Variants in KCNJ1 observed in about 807,000 individuals in gnomAD.
KCNJ1 encodes the protein potassium inwardly rectifying channel subfamily J member 1.
KCNJ1 carries 24 observed loss-of-function variants against 21.9 expected under a neutral mutation model. That is an observed-to-expected ratio of 1.10 (90% confidence interval 0.79 to 1.54). KCNJ1 has a LOEUF of 1.54. KCNJ1 is among the 40% of genes most tolerant of loss of function. The pLI is 0.00. For missense variants in KCNJ1, 457 were observed against 455.4 expected (o/e 1.00, Z -0.03); for synonymous variants, 152 against 160.9 (o/e 0.94, Z 0.42).
chr11:128,867,012 C>G (rs1379483095), intron 1 of KCNJ1, among the ~76,000 whole-genome samples, 161 bp downstream of exon 1: 1 of 152,128 alleles, frequency 6.6e-6, no homozygotes, highest in African/African-American at 2.4e-5. Flanking sequence ...ACCAGCACAC[C>G]AAAAGCATCC....
chr11:128,839,158 T>C lies in KCNJ1; in HGVS notation c.1086A>G (p.Ser362=), dbSNP rs765830636. Residue 362 remains serine, a synonymous_variant, in exon 3 of 3, where the codon TCA becomes TCG. Transcript: ENST00000392666. ...RGYDNPNFIL[S]EVNETDDTKM is the part of the protein sequence containing the mutation. ...TGGTGTCATCTGTTTCATTGACTTC[T>C]GACAAGATGAAGTTGGGGTTGTCAT... The C allele has an allele frequency of 6.2e-7, 1 of 1,614,154 alleles. No individual in the cohort carries two copies. Among genetic ancestry groups the C allele is most frequent in the East Asian group, 2.2e-5 (1 of 44,884 alleles).
chr11:128,859,950 A>C (rs2846680), intron 1 of KCNJ1, among the ~76,000 whole-genome samples: 34,129 of 152,146 alleles, frequency 0.22, 3,881 homozygotes, highest in South Asian at 0.3. Context: ...CGGGCAGCAA[A>C]GCGCAGGCGG....
At chr11:128,854,983 A>G (rs1234709733) in intron 1 of KCNJ1, among the ~76,000 whole-genome samples, 2 of 152,148 alleles carry the variant, frequency 1.3e-5, no homozygotes, top group Non-Finnish European at 2.9e-5. Flanking sequence ...TGAAACACGT[A>G]TCTGGAGTCA....
chr11:128,842,243 G>T, intron 2 of KCNJ1: 2 of 1,025,584 alleles, frequency 2.0e-6, no homozygotes, highest in Non-Finnish European at 1.5e-6. Context: ...TACTTTTAAA[G>T]GTAAAGAAGA....
At position 128,838,609 on chromosome 11, in the gene KCNJ1, T is replaced by A. The variant is rs1943209864; in HGVS notation, c.*516A>T. The A allele has an allele frequency of 6.3e-6, 1 of 158,022 alleles. No individual in the cohort carries two copies. The highest frequency in any genetic ancestry group is 2.5e-5 in the African/African-American group (1 of 40,422). The allele number at this position is 158,022 out of a possible 1,614,324, so 9.8% of individuals were successfully genotyped here. A position where few individuals can be genotyped will look rare whatever the true frequency, so the allele number is the denominator to read the frequency against. Reference sequence around the variant, plus strand: ...AAGCTTAGAGCCTCAAATTGTTCTTTGTGTAAGCGTTTTCTTGTCATTGAT... The same window carrying A: ...AAGCTTAGAGCCTCAAATTGTTCTTAGTGTAAGCGTTTTCTTGTCATTGAT... On this transcript the variant is annotated 3_prime_UTR_variant, in exon 3 of 3. Coordinates refer to ENST00000392666, the MANE Select transcript of KCNJ1 (RefSeq NM_153766.3).
intron 2 of KCNJ1, among the ~76,000 whole-genome samples, chr11:128,842,784 T>G (rs946992904): frequency 2.0e-5 from 3 of 152,198 alleles, no homozygotes; most frequent in Non-Finnish European, 4.4e-5. Context: ...CTAAAAGTTG[T>G]GCCTAATAAC....
At chr11:128,841,253 C>T (rs1025508841) in intron 2 of KCNJ1, among the ~76,000 whole-genome samples, 1 of 152,222 alleles carries the variant, frequency 6.6e-6, no homozygotes, top group African/African-American at 2.4e-5. Context: ...TTAAGTAATA[C>T]TCCATAAAGA....
At position 128,839,526 on chromosome 11, in the gene KCNJ1, T is replaced by A; in HGVS notation, c.718A>T (p.Asn240Tyr). 1 of 1,614,070 alleles carries A rather than the reference T, an allele frequency of 6.2e-7. No homozygotes were observed. Among genetic ancestry groups the A allele is most frequent in the Non-Finnish European group, 8.5e-7 (1 of 1,180,008 alleles). ...INFVVDAGNE[N>Y]LFFISPLTIY... ...GTCAATGGGGAGATGAAGAATAAAT[T>A]TTCATTCCCAGCGTCAACTACAAAG... is the stretch of plus-strand genomic sequence containing the variant. The change falls in exon 3 of 3, where the codon AAT (asparagine) becomes TAT (tyrosine). Residue 240 changes from asparagine to tyrosine, a missense_variant. Coordinates refer to ENST00000392666, the MANE Select transcript of KCNJ1 (RefSeq NM_153766.3).
intron 2 of KCNJ1, among the ~76,000 whole-genome samples, chr11:128,841,550 G>T (rs962279418): frequency 2.0e-5 from 3 of 152,132 alleles, no homozygotes; most frequent in African/African-American, 7.2e-5. Flanking sequence ...GCCCACCCTG[G>T]TCCGCAATGT....
chr11:128,848,991 G>C (rs981522990), intron 2 of KCNJ1, among the ~76,000 whole-genome samples: 1 of 152,308 alleles, frequency 6.6e-6, no homozygotes, highest in South Asian at 2.1e-4. Flanking sequence ...CACACGCTGC[G>C]GCAGTCTCAG....
intron 1 of KCNJ1, among the ~76,000 whole-genome samples, chr11:128,862,885 C>T (rs1943745804): frequency 1.3e-5 from 2 of 152,196 alleles, no homozygotes; most frequent in Admixed American, 6.5e-5. Flanking sequence ...CCGGGATTAC[C>T]CTTATCTCTC....
chr11:128,849,551 G>T (rs1348806778), intron 2 of KCNJ1, among the ~76,000 whole-genome samples: 1 of 152,210 alleles, frequency 6.6e-6, no homozygotes, highest in African/African-American at 2.4e-5. Context: ...GGTACCCTGG[G>T]TTGGATCTGA....
chr11:128,846,444 T>A (rs1053276104), intron 2 of KCNJ1, among the ~76,000 whole-genome samples: 1 of 152,138 alleles, frequency 6.6e-6, no homozygotes, highest in East Asian at 1.9e-4. Flanking sequence ...GGGGTCTACC[T>A]CCTGGAGCGA....
chr11:128,856,422 C>T (rs1373321254), intron 1 of KCNJ1, among the ~76,000 whole-genome samples: 2 of 152,186 alleles, frequency 1.3e-5, no homozygotes, highest in Non-Finnish European at 2.9e-5. Flanking sequence ...ACCATGGCCA[C>T]CAGGCTGGGG....
At chr11:128,840,433 T>C (rs1293474566) in intron 2 of KCNJ1, among the ~76,000 whole-genome samples, 169 bp from the exon 3 acceptor site, 2 of 152,202 alleles carry the variant, frequency 1.3e-5, no homozygotes, top group East Asian at 3.8e-4. Flanking sequence ...CTATTTCTGA[T>C]AGAAACTTTC....
chr11:128,859,700 T>C (rs1943663497), intron 1 of KCNJ1, among the ~76,000 whole-genome samples: 1 of 152,216 alleles, frequency 6.6e-6, no homozygotes. Context: ...CTTCCCTGCG[T>C]GCCCTCTCCT....
chr11:128,847,052 A>C lies in KCNJ1; in HGVS notation c.-22+3669T>G, dbSNP rs1453478893. 3.3e-5 allele frequency among the ~76,000 whole-genome samples: 5 copies of C among 152,182 alleles called. No individual in the cohort carries two copies. The East Asian group carries it at 9.6e-4, about 29-fold the overall frequency. On this transcript the variant is annotated intron_variant, in intron 2 of 2. Coordinates refer to ENST00000392666, the MANE Select transcript of KCNJ1 (RefSeq NM_153766.3). Reference sequence around the variant, plus strand: ...CTGTTTCTTTCCCCAGAACAGCTTTAGTCTCATGTCAGTCTTCTCACCTAG... The same window carrying C: ...CTGTTTCTTTCCCCAGAACAGCTTTCGTCTCATGTCAGTCTTCTCACCTAG...
In KCNJ1 at chr11:128,839,354, G is replaced by A. The variant is rs964815428; in HGVS notation, c.890C>T (p.Pro297Leu). 6.2e-7 allele frequency: 1 copy of A among 1,614,078 alleles called. No homozygotes were observed. The highest frequency in any genetic ancestry group is 1.7e-5 in the Admixed American group (1 of 60,016). Residue 297 changes from proline to leucine, a missense_variant, in exon 3 of 3, where the codon CCA (proline) becomes CTA (leucine). Transcript: ENST00000392666. ...ATCQVRTSYV[P>L]EEVLWGYRFA... is the part of the protein sequence containing the mutation. The stretch of plus-strand genomic sequence containing the variant: ...ACGGTAGCCCCAAAGCACCTCCTCT[G>A]GGACATAGGATGTCCGGACTTGGCA...
intron 2 of KCNJ1, among the ~76,000 whole-genome samples, chr11:128,841,545 C>T (rs1943281581): frequency 1.3e-5 from 2 of 152,138 alleles, no homozygotes; most frequent in Non-Finnish European, 2.9e-5. Flanking sequence ...GGTGTGCCCA[C>T]CCTGGTCCGC....
Sources: allele counts gnomAD v4.1 joint callset (sites outside exome capture counted in the v4.1 genomes callset), GRCh38; gene constraint gnomAD v4.1.1; transcripts MANE v1.5; gene names NCBI Gene and HGNC (gene_info 2026-07-23, HGNC 2026-07-21).